The following NDC1 variants were observed in gnomAD, a reference collection of about 807,000 sequenced individuals.
The protein encoded by NDC1 is NDC1 transmembrane nucleoporin.
Under a neutral mutation model 89.8 loss-of-function variants are expected in NDC1, and 24 were observed. The observed-to-expected ratio is 0.27, with a 90% confidence interval of 0.19 to 0.38. NDC1 has a LOEUF of 0.38. Among genes scored for constraint, NDC1 ranks in the 10% least tolerant of loss-of-function variants. The pLI, the probability that NDC1 is intolerant of heterozygous loss-of-function variation, is 1.00. For synonymous variants in NDC1, 296 were observed against 284.8 expected (o/e 1.04, Z -0.39); for missense variants, 728 against 797.6 (o/e 0.91, Z 1.05).
rs1477320932 is a variant in NDC1, at chr1:53,838,250, G to A, written c.12C>T (p.Ala4=). 4.6e-6 allele frequency: 7 copies of A among 1,536,890 alleles called. No individual in the cohort carries two copies. In the Admixed American group the frequency reaches 7.9e-5, roughly 17 times the overall value. Residue 4 remains alanine (A), a synonymous_variant, in exon 1 of 18, where the codon GCC becomes GCT. Transcript: ENST00000371429. MAT[A]VSRPCAGRSR... ...ACCTGCCGGCGCAGGGCCGGCTCAC[G>A]GCCGTGGCCATGGAGATGGCGGCCC...
chr1:53,817,195 T>C (rs1272050233), intron 6 of NDC1, among the ~76,000 whole-genome samples: 1 of 152,182 alleles, frequency 6.6e-6, no homozygotes, highest in East Asian at 1.9e-4. Context: ...CACACACATA[T>C]GTATAGCAGC....
chr1:53,824,798 T>C (rs1648790200), intron 5 of NDC1, among the ~76,000 whole-genome samples: 1 of 152,202 alleles, frequency 6.6e-6, no homozygotes, highest in Admixed American at 6.5e-5. Context: ...CTTTGCCTTG[T>C]TCTGAAAATG....
chr1:53,807,153 G>T (rs1223830914), intron 8 of NDC1, among the ~76,000 whole-genome samples: 1 of 150,388 alleles, frequency 6.6e-6, no homozygotes, highest in East Asian at 2.0e-4. Flanking sequence ...AAGCTGAGGT[G>T]GGAGAATCAC....
intron 9 of NDC1, among the ~76,000 whole-genome samples, chr1:53,805,599 T>A (rs1648073998): frequency 6.6e-6 from 1 of 152,250 alleles, no homozygotes; most frequent in Admixed American, 6.5e-5. Context: ...TTACTTAGAT[T>A]GATTTGTAAA....
intron 6 of NDC1, among the ~76,000 whole-genome samples, chr1:53,812,681 T>C (rs1648350839): frequency 6.6e-6 from 1 of 152,182 alleles, no homozygotes; most frequent in Non-Finnish European, 1.5e-5. Flanking sequence ...GGAAAACATA[T>C]ATGGGGGAAT....
chr1:53,789,981 G>C (rs1647434228), intron 14 of NDC1, among the ~76,000 whole-genome samples: 1 of 151,562 alleles, frequency 6.6e-6, no homozygotes, highest in South Asian at 2.1e-4. Flanking sequence ...CATGCACCTA[G>C]AGTCCCAGCT....
intron 17 of NDC1, among the ~76,000 whole-genome samples, chr1:53,771,606 T>C (rs534361808): frequency 6.6e-6 from 1 of 152,334 alleles, no homozygotes; most frequent in African/African-American, 2.4e-5. Flanking sequence ...GACTGACAAA[T>C]TGAATTTTTA....
intron 6 of NDC1, among the ~76,000 whole-genome samples, chr1:53,810,635 T>C (rs1648273818): frequency 6.6e-6 from 1 of 152,232 alleles, no homozygotes; most frequent in Admixed American, 6.5e-5. Context: ...CTGAGCGTGA[T>C]GGCTCATGCC....
rs191079174 is a variant in NDC1, at chr1:53,809,232, C to T, written c.755+463G>A. ...AAACAGAGGCCTGGTCCATGCAACT[C>T]GAGAAAGCCACTTTTGTATAGTATA... is the stretch of plus-strand genomic sequence containing the variant. On this transcript the variant is annotated intron_variant, in intron 7 of 17. Coordinates refer to ENST00000371429, the MANE Select transcript of NDC1 (RefSeq NM_018087.5). 2.0e-5 allele frequency among the ~76,000 whole-genome samples: 3 copies of T among 152,304 alleles called. No homozygotes were observed. In the East Asian group the frequency reaches 5.8e-4, roughly 29 times the overall value.
intron 14 of NDC1, 73 bp from the exon 15 acceptor site, chr1:53,789,269 T>G (rs1228391852): frequency 2.2e-6 from 2 of 895,160 alleles, no homozygotes; most frequent in African/African-American, 1.7e-5. Flanking sequence ...TAATTAAATA[T>G]GTAGACCACA....
intron 17 of NDC1, among the ~76,000 whole-genome samples, chr1:53,768,757 T>G (rs899821080): frequency 6.6e-6 from 1 of 152,204 alleles, no homozygotes; most frequent in Non-Finnish European, 1.5e-5. Flanking sequence ...GTGTTATGAA[T>G]TGCCCTAAAA....
chr1:53,807,615 A>C (rs189508611), intron 8 of NDC1, 41 bp downstream of exon 8: 2 of 1,561,654 alleles, frequency 1.3e-6, no homozygotes, highest in East Asian at 4.5e-5. Context: ...GTGCACTCCA[A>C]AACACAAAAG....
chr1:53,767,987 A>G lies in NDC1; in HGVS notation c.2008T>C (p.Leu670=), dbSNP rs1397501058. 2 of 1,607,684 alleles carry G rather than the reference A, an allele frequency of 1.2e-6. No individual in the cohort carries two copies. Among genetic ancestry groups the G allele is most frequent in the Middle Eastern group, 1.7e-4 (1 of 6,024 alleles). ...AEHQKRLQQF[L]EFKE is the part of the protein sequence containing the mutation. Reference sequence around the variant, plus strand: ...TTACTTAACTATTCTTTGAACTCCAAGAACTGTTGAAGTCTTTTCTGATGT... The same window carrying G: ...TTACTTAACTATTCTTTGAACTCCAGGAACTGTTGAAGTCTTTTCTGATGT... Residue 670 remains leucine (L), a synonymous_variant, in exon 18 of 18, where the codon TTG becomes CTG. Transcript: ENST00000371429.
chr1:53,812,860 G>A (rs1393942452), intron 6 of NDC1, among the ~76,000 whole-genome samples: 2 of 152,148 alleles, frequency 1.3e-5, no homozygotes, highest in Non-Finnish European at 2.9e-5. Context: ...TGAGACAGAA[G>A]CACCAGGTAA....
At chr1:53,792,133 A>G (rs527805128) in intron 14 of NDC1, among the ~76,000 whole-genome samples, 2,553 of 152,096 alleles carry the variant, frequency 0.017, 35 homozygotes, top group African/African-American at 0.033. Context: ...TAGTAGAGAC[A>G]GGGTTTCACC....
At position 53,838,292 on chromosome 1, in the gene NDC1, A is replaced by G. The variant is rs1213139192; in HGVS notation, c.-31T>C. 2.6e-6 allele frequency: 4 copies of G among 1,514,012 alleles called. No individual in the cohort carries two copies. Among genetic ancestry groups the G allele is most frequent in the Non-Finnish European group, 3.5e-6 (4 of 1,130,492 alleles). 93.8% of individuals were successfully genotyped at this position (1,514,012 alleles called of 1,614,324 possible). ...TGGCGGCCCCTAGTCTAGGGCGTAC[A>G]GGAGACCGTGCGCCCGCCCGCCACC... On this transcript the variant is annotated 5_prime_UTR_variant, in exon 1 of 18. Coordinates refer to ENST00000371429, the MANE Select transcript of NDC1 (RefSeq NM_018087.5).
At chr1:53,800,931 T>C (rs1647891053) in intron 10 of NDC1, 83 bp from the exon 11 acceptor site, 5 of 1,341,978 alleles carry the variant, frequency 3.7e-6, no homozygotes, top group Non-Finnish European at 5.1e-6. Context: ...CAGTAAGAAA[T>C]TCTACATTAT....
intron 11 of NDC1, among the ~76,000 whole-genome samples, chr1:53,799,824 AT>A (rs1214242144): frequency 1.3e-5 from 2 of 152,174 alleles, no homozygotes; most frequent in Non-Finnish European, 2.9e-5. Context: ...TCAGTCTTAC[AT>A]TCATAGGTGT....
chr1:53,813,000 C>T (rs980085855), intron 6 of NDC1, among the ~76,000 whole-genome samples: 1 of 152,126 alleles, frequency 6.6e-6, no homozygotes, highest in African/African-American at 2.4e-5. Context: ...TTGTATCCAG[C>T]GAAACTAAGC....
Sources: allele counts gnomAD v4.1 joint callset (sites outside exome capture counted in the v4.1 genomes callset), GRCh38; gene constraint gnomAD v4.1.1; transcripts MANE v1.5; gene names NCBI Gene and HGNC (gene_info 2026-07-23, HGNC 2026-07-21).